Variants in TAFA2 observed in about 807,000 individuals in gnomAD.
The protein encoded by TAFA2 is TAFA chemokine like family member 2.
Under a neutral mutation model 18.8 loss-of-function variants are expected in TAFA2, and 7 were observed. The ratio of observed to expected loss-of-function variants is 0.37; its 90% CI spans 0.21 to 0.70. The LOEUF (loss-of-function observed/expected upper bound fraction) is 0.70, where lower values mean the gene tolerates loss of function less well. Among genes scored for constraint, TAFA2 ranks in the 30% least tolerant of loss-of-function variants. The pLI is 0.53. For synonymous variants in TAFA2, 60 were observed against 54.2 expected, an observed-to-expected ratio of 1.11 and a Z score of -0.47; for missense variants, 122 against 158.1, an observed-to-expected ratio of 0.77 and a Z score of 1.23.
At chr12:62,187,407 C>T (rs2062593492) in intron 1 of TAFA2, among the ~76,000 whole-genome samples, 1 of 152,066 alleles carries the variant, frequency 6.6e-6, no homozygotes, top group Non-Finnish European at 1.5e-5. Context: ...AACTATGCAC[C>T]TATAAAGGCA....
At chr12:61,863,094 G>T (rs889712743) in intron 2 of TAFA2, among the ~76,000 whole-genome samples, 1 of 152,156 alleles carries the variant, frequency 6.6e-6, no homozygotes, top group African/African-American at 2.4e-5. Flanking sequence ...TATGCTCTGG[G>T]TCTAGCATAT....
chr12:62,195,682 C>T (rs2062645825), upstream of TAFA2, among the ~76,000 whole-genome samples: 1 of 152,158 alleles, frequency 6.6e-6, no homozygotes, highest in Admixed American at 6.5e-5. Flanking sequence ...CAACAGTAGG[C>T]TTAAAATATT....
intron 1 of TAFA2, among the ~76,000 whole-genome samples, chr12:61,942,097 T>G (rs1468325840): frequency 6.6e-6 from 1 of 151,196 alleles, no homozygotes; most frequent in Admixed American, 6.6e-5. Context: ...AGCACGCAGC[T>G]GGAGATCTGA....
At chr12:61,895,726 A>T (rs948336475) in intron 1 of TAFA2, among the ~76,000 whole-genome samples, 3 of 152,200 alleles carry the variant, frequency 2.0e-5, no homozygotes, top group Admixed American at 2.0e-4. Flanking sequence ...TGTCATTCTC[A>T]TCTTCGTATC....
chr12:61,921,530 G>A (rs532957416), intron 1 of TAFA2, among the ~76,000 whole-genome samples: 14 of 152,174 alleles, frequency 9.2e-5, no homozygotes, highest in African/African-American at 2.7e-4. Context: ...TTGTTGTTTG[G>A]TGTGGTGTGG....
chr12:62,125,705 C>A (rs1870429484), intron 1 of TAFA2, among the ~76,000 whole-genome samples: 1 of 152,024 alleles, frequency 6.6e-6, no homozygotes, highest in South Asian at 2.1e-4. Context: ...TGAGGAGTCG[C>A]ACAACTTAAG....
chr12:62,230,388 A>G (rs751995925), intron 1 of TAFA2, among the ~76,000 whole-genome samples: 6 of 152,026 alleles, frequency 3.9e-5, no homozygotes, highest in Non-Finnish European at 8.8e-5. Context: ...ACTAGATCCC[A>G]TAGAATTGGG....
intron 1 of TAFA2, among the ~76,000 whole-genome samples, chr12:61,965,996 G>A (rs1879052665): frequency 6.6e-6 from 1 of 151,774 alleles, no homozygotes; most frequent in African/African-American, 2.4e-5. Context: ...TTCCACCTTT[G>A]GGGTATTTTA....
chr12:62,044,017 G>A lies in TAFA2; in HGVS notation c.-2+147242C>T, dbSNP rs116097717. 2.4e-3 allele frequency among the ~76,000 whole-genome samples: 371 copies of A among 152,030 alleles called. 1 individual carries two copies. Among genetic ancestry groups the A allele is most frequent in the African/African-American group, 8.1e-3 (336 of 41,466 alleles). ...ATTCACAAAACTATTAATTACTCTCGAGGCTTGCAAGTGTTCTACACAATC... is the reference window on the plus strand; with the variant it reads ...ATTCACAAAACTATTAATTACTCTCAAGGCTTGCAAGTGTTCTACACAATC... On this transcript the variant is annotated intron_variant, in intron 1 of 4. Transcript: ENST00000416284.
chr12:62,234,404 G>T, intron 1 of TAFA2: 4 of 700,016 alleles, frequency 5.7e-6, no homozygotes, highest in South Asian at 4.1e-5. Flanking sequence ...CCAGGAACAG[G>T]ACCGTCCTGC....
Position 62,138,970 on chromosome 12 carries a change from T to C in TAFA2, c.-2+52289A>G, listed in dbSNP as rs186344682. Among the ~76,000 whole-genome samples, 9 of 152,094 alleles carry C rather than the reference T, an allele frequency of 5.9e-5. No individual in the cohort carries two copies. In the East Asian group the frequency reaches 1.4e-3, roughly 23 times the overall value. On this transcript the variant is annotated intron_variant, in intron 1 of 4. Transcript: ENST00000416284. Reference sequence around the variant, plus strand: ...TGCCACCCAGAGATCAGAAATAAGGTGAAAAAAACAGTTTCCTTCCTTTTC... The same window carrying C: ...TGCCACCCAGAGATCAGAAATAAGGCGAAAAAAACAGTTTCCTTCCTTTTC...
chr12:62,042,271 C>T (rs146053632), intron 1 of TAFA2, among the ~76,000 whole-genome samples: 297 of 152,166 alleles, frequency 2.0e-3, no homozygotes, highest in African/African-American at 6.6e-3. Context: ...TGGAGGAACA[C>T]TGTTAACAGT....
Position 61,883,966 on chromosome 12 carries a change from A to T in TAFA2, c.-1-16540T>A, listed in dbSNP as rs967529234. ...ACATATGTGAAGTACTCTATTTCTT[A>T]CACTAAGTAGGTCCTCAATAAATGT... On this transcript the variant is annotated intron_variant, in intron 1 of 4. Coordinates refer to ENST00000416284, the MANE Select transcript of TAFA2 (RefSeq NM_178539.5). Among the ~76,000 whole-genome samples the T allele has an allele frequency of 1.2e-4, 18 of 152,194 alleles. 1 individual carries two copies. In the East Asian group the frequency reaches 3.3e-3, roughly 28 times the overall value.
intron 1 of TAFA2, among the ~76,000 whole-genome samples, chr12:62,118,343 G>A (rs1201502821): frequency 6.6e-6 from 1 of 151,968 alleles, no homozygotes. Context: ...ATATTTTAAT[G>A]TGAATATACC....
intron 1 of TAFA2, among the ~76,000 whole-genome samples, chr12:62,187,899 T>C (rs2062596726): frequency 1.3e-5 from 2 of 152,214 alleles, no homozygotes; most frequent in African/African-American, 2.4e-5. Flanking sequence ...GATGGAATAA[T>C]TAAATAGTTC....
At chr12:61,947,670 A>T (rs918536380) in intron 1 of TAFA2, among the ~76,000 whole-genome samples, 1 of 152,086 alleles carries the variant, frequency 6.6e-6, no homozygotes, top group Non-Finnish European at 1.5e-5. Flanking sequence ...CTACTCCAAC[A>T]ATACATGCTC....
intron 1 of TAFA2, chr12:62,258,624 G>T (rs1258210791): frequency 9.1e-6 from 2 of 219,146 alleles, no homozygotes; most frequent in South Asian, 8.6e-5. Flanking sequence ...TGGCTATTAC[G>T]TCCCAGGCAA....
intron 2 of TAFA2, among the ~76,000 whole-genome samples, chr12:61,836,331 A>G (rs933872672): frequency 6.6e-6 from 1 of 151,936 alleles, no homozygotes; most frequent in Non-Finnish European, 1.5e-5. Flanking sequence ...TAAAATGGTG[A>G]GTGTAAAGAA....
At chr12:61,801,211 T>G (rs941801703) in intron 2 of TAFA2, among the ~76,000 whole-genome samples, 1 of 152,132 alleles carries the variant, frequency 6.6e-6, no homozygotes, top group African/African-American at 2.4e-5. Context: ...AATCTACAGA[T>G]TCAATGCAAT....
Sources: allele counts gnomAD v4.1 joint callset (sites outside exome capture counted in the v4.1 genomes callset), GRCh38; gene constraint gnomAD v4.1.1; transcripts MANE v1.5; gene names NCBI Gene and HGNC (gene_info 2026-07-23, HGNC 2026-07-21).